SPI1: variants seen among roughly 807,000 people sequenced by gnomAD.
The protein encoded by SPI1 is Spi-1 proto-oncogene.
Under a neutral mutation model 30.7 loss-of-function variants are expected in SPI1, and 3 were observed. That is an observed-to-expected ratio of 0.10 (90% CI 0.04 to 0.25). The LOEUF (loss-of-function observed/expected upper bound fraction) is 0.25. SPI1 is among the 10% of genes least tolerant of loss of function. The probability of loss-of-function intolerance (pLI) is 1.00; values close to 1 mark genes in which losing one functional copy is unlikely to be tolerated. For synonymous variants in SPI1, 169 were observed against 157.1 expected (o/e 1.08, Z -0.56); for missense variants, 261 against 371.5 (o/e 0.70, Z 2.45).
chr11:47,356,605 C>T (rs952431957), intron 4 of SPI1, among the ~76,000 whole-genome samples: 1 of 151,550 alleles, frequency 6.6e-6, no homozygotes, highest in African/African-American at 2.4e-5. Context: ...ATAATCACAC[C>T]TGCTTATACT....
rs1212902214 is a variant in SPI1, at chr11:47,378,387, C to G, written c.-34G>C. 6.2e-7 allele frequency: 1 copy of G among 1,604,508 alleles called. No individual in the cohort carries two copies. The highest frequency in any genetic ancestry group is 1.3e-5 in the African/African-American group (1 of 74,878). On this transcript the variant is annotated 5_prime_UTR_variant, in exon 1 of 5. Coordinates refer to ENST00000378538, the MANE Select transcript of SPI1 (RefSeq NM_003120.3). ...GCTCCGAGTCGGTCAGATCCCCTGC[C>G]TCGGTGGGGGCCAATGCAGAGCCCC... is the stretch of plus-strand genomic sequence containing the variant.
rs138202402 is a variant in SPI1, at chr11:47,364,424, G to A, written c.143-4384C>T. Among the ~76,000 whole-genome samples the A allele has an allele frequency of 7.5e-3, 1,143 of 152,188 alleles. 15 individuals are homozygous for A. The highest frequency in any genetic ancestry group is 0.025 in the African/African-American group (1,057 of 41,522). The stretch of plus-strand genomic sequence containing the variant: ...AGAGTTTGCTCTGCTCTTTAGTGAG[G>A]AGGCTGTCCTGGGGCTCTGGGATTT... On this transcript the variant is annotated intron_variant, in intron 2 of 4. Transcript: ENST00000378538.
intron 2 of SPI1, among the ~76,000 whole-genome samples, chr11:47,367,640 A>C (rs986915153): frequency 5.3e-5 from 8 of 152,156 alleles, no homozygotes; most frequent in Admixed American, 5.2e-4. Context: ...AGAAAGAAAA[A>C]AAGAAAATAA....
In SPI1 at chr11:47,356,467, CCA is replaced by C. The variant is rs534433919; in HGVS notation, c.494-923_494-922del. ...ACACACTCAGACCCACTTACTGCCC[CCA>C]CACACGGTCACACCCAATGCACCTT... On this transcript the variant is annotated intron_variant, in intron 4 of 4. Coordinates refer to ENST00000378538, the MANE Select transcript of SPI1 (RefSeq NM_003120.3). Among the ~76,000 whole-genome samples, 40 of 151,648 alleles carry C rather than the reference CCA, an allele frequency of 2.6e-4. No homozygotes were observed. The East Asian group carries it at 4.7e-3, about 18-fold the overall frequency.
intron 4 of SPI1, among the ~76,000 whole-genome samples, 186 bp from the exon 5 acceptor site, chr11:47,355,732 A>C (rs71475909): frequency 6.6e-6 from 1 of 150,858 alleles, no homozygotes; most frequent in Non-Finnish European, 1.5e-5. Flanking sequence ...ATGCTTGCGC[A>C]CACACAGGCG....
chr11:47,359,807 C>G lies in SPI1; in HGVS notation c.330+46G>C. 1 of 1,587,100 alleles carries G rather than the reference C, an allele frequency of 6.3e-7. No homozygotes were observed. Among genetic ancestry groups the G allele is most frequent in the Non-Finnish European group, 8.5e-7 (1 of 1,170,130 alleles). ...CCTGTGAAGCTCCCGGGCCCCACCA[C>G]AGGCCTGGCAGTCTCCTGGGGGACG... On this transcript the variant is annotated intron_variant, in intron 3 of 4. Transcript: ENST00000378538. This position sits in a 1 kb window ranked among gnomAD's most constrained non-coding sequence, Gnocchi z 5.1.
intron 2 of SPI1, among the ~76,000 whole-genome samples, chr11:47,368,720 T>G (rs983843584): frequency 3.3e-5 from 5 of 152,038 alleles, no homozygotes; most frequent in African/African-American, 1.2e-4. Flanking sequence ...AATAGGCAAA[T>G]TCATAGAGAC....
chr11:47,372,838 G>T (rs1288757047), intron 2 of SPI1, among the ~76,000 whole-genome samples: 1 of 152,190 alleles, frequency 6.6e-6, no homozygotes, highest in Non-Finnish European at 1.5e-5. Context: ...GTATTTTCAT[G>T]CTGTCAGTTT....
intron 1 of SPI1, among the ~76,000 whole-genome samples, chr11:47,377,978 A>C: frequency 1.3e-5 from 2 of 148,380 alleles, no homozygotes; most frequent in Non-Finnish European, 3.0e-5. Context: ...TCCCTCCTCT[A>C]CCTCTCTACC....
intron 1 of SPI1, among the ~76,000 whole-genome samples, chr11:47,377,767 G>A (rs1354340480): frequency 1.3e-5 from 2 of 152,206 alleles, no homozygotes; most frequent in Admixed American, 1.3e-4. Context: ...GGGTACCCCT[G>A]TGGGCCCATG....
At chr11:47,377,008 T>C (rs1045668448) in intron 1 of SPI1, among the ~76,000 whole-genome samples, 2 of 152,188 alleles carry the variant, frequency 1.3e-5, no homozygotes, top group African/African-American at 4.8e-5. Flanking sequence ...GAATTGGCTC[T>C]TTCTGAGACA....
At chr11:47,373,570 C>A (rs1470270653) in intron 2 of SPI1, among the ~76,000 whole-genome samples, 1 of 147,264 alleles carries the variant, frequency 6.8e-6, no homozygotes, top group South Asian at 2.2e-4. Context: ...ATCGCTTGGA[C>A]CCAGGAGGCG....
At chr11:47,371,936 C>G (rs2095936474) in intron 2 of SPI1, among the ~76,000 whole-genome samples, 2 of 152,086 alleles carry the variant, frequency 1.3e-5, no homozygotes, top group Admixed American at 6.6e-5. Context: ...ATTTTCTGTT[C>G]CCTTTACCTT....
At chr11:47,358,425 T>A in intron 4 of SPI1, 2 of 631,658 alleles carry the variant, frequency 3.2e-6, no homozygotes, top group Non-Finnish European at 5.8e-6. Context: ...CTGAAATACA[T>A]TCATGTGTTG....
Position 47,359,021 on chromosome 11 carries a change from AAGG to A in SPI1, c.331-18_331-16del. 1.3e-6 allele frequency: 2 copies of A among 1,519,334 alleles called. No individual in the cohort carries two copies. Among genetic ancestry groups the A allele is most frequent in the Admixed American group, 2.2e-5 (1 of 44,536 alleles). The allele number at this position is 1,519,334 out of a possible 1,614,324, so 94.1% of individuals were successfully genotyped here. A position where few individuals can be genotyped will look rare whatever the true frequency, so the allele number is the denominator to read the frequency against. On this transcript the variant is annotated splice_polypyrimidine_tract_variant and intron_variant, in intron 3 of 4. Coordinates refer to ENST00000378538, the MANE Select transcript of SPI1 (RefSeq NM_003120.3). The surrounding 1 kb of genome is among the most constrained non-coding windows in gnomAD (Gnocchi z 5.1). ...AGGTAGGAGACCTGGACGGTGGGGG[AAGG>A]AGATCAGAGTCAGGAAGGGCCAGCT...
intron 2 of SPI1, among the ~76,000 whole-genome samples, chr11:47,361,149 A>G (rs958740683): frequency 2.0e-5 from 3 of 152,058 alleles, no homozygotes; most frequent in Admixed American, 6.6e-5. Flanking sequence ...AAAAGAAAAG[A>G]AAAAAACCTC....
rs545266256 is a variant in SPI1 at position 47,369,108 on chromosome 11, CA to C, written c.142+6524del. On this transcript the variant is annotated intron_variant, in intron 2 of 4. Coordinates refer to ENST00000378538, the MANE Select transcript of SPI1 (RefSeq NM_003120.3). ...TAAAAATACACACAAAGAAATTAGC[CA>C]GGTGTGGTGGCGCATGCCTGTAATC... 3.5e-3 allele frequency among the ~76,000 whole-genome samples: 527 copies of C among 152,014 alleles called. 3 individuals carry two copies. The highest frequency in any genetic ancestry group is 0.012 in the African/African-American group (492 of 41,452).
At chr11:47,365,427 CTG>C (rs1410745102) in intron 2 of SPI1, among the ~76,000 whole-genome samples, 1 of 152,224 alleles carries the variant, frequency 6.6e-6, no homozygotes, top group Admixed American at 6.5e-5. Context: ...ATACCAGACA[CTG>C]TGCTAAGTGT....
At chr11:47,357,856 C>T (rs2084946) in intron 4 of SPI1, among the ~76,000 whole-genome samples, 97,131 of 151,986 alleles carry the variant, frequency 0.64, 31,149 homozygotes, top group South Asian at 0.7. Context: ...TGAGCCACCA[C>T]GCCCGGCCCA....
Sources: gnomAD v4.1 joint callset for allele counts (sites outside exome capture counted in the v4.1 genomes callset) on GRCh38, gnomAD v4.1.1 for gene constraint, Gnocchi (gnomAD v3.1) non-coding constraint, MANE v1.5 for transcripts, NCBI Gene and HGNC (gene_info 2026-07-23, HGNC 2026-07-21) for gene names.